Variants in PLAA observed in about 807,000 individuals in gnomAD.
The protein encoded by PLAA is phospholipase A2 activating protein, also known as phospholipase A-2-activating protein.
In PLAA, 48 loss-of-function variants were observed where a neutral mutation model predicts 84.1. The ratio of observed to expected loss-of-function variants is 0.57; its 90% CI spans 0.45 to 0.73. PLAA has a LOEUF of 0.73. Ranked by LOEUF, PLAA falls within the 30% of genes least tolerant of loss-of-function variation. The pLI is 0.00. For missense variants in PLAA, 903 were observed against 954.7 expected (o/e 0.95, Z 0.71); for synonymous variants, 392 against 336.6 (o/e 1.16, Z -1.80).
intron 2 of PLAA, among the ~76,000 whole-genome samples, chr9:26,934,522 C>A (rs1038936954): frequency 7.0e-6 from 1 of 143,734 alleles, no homozygotes; most frequent in Admixed American, 7.1e-5. Flanking sequence ...CTCTGTCACC[C>A]AGGCTGGAGT....
intron 12 of PLAA, among the ~76,000 whole-genome samples, chr9:26,909,787 C>G (rs1431781882): frequency 2.0e-5 from 3 of 151,958 alleles, no homozygotes; most frequent in Non-Finnish European, 4.4e-5. Context: ...CCACGCCCGG[C>G]TAATTTTTGT....
rs13299068 is a variant in PLAA at position 26,918,856 on chromosome 9, C to T, written c.1417+454G>A. The stretch of plus-strand genomic sequence containing the variant: ...CTAACTGCATTTATAACATGAGATA[C>T]GATGTATACGATGTTACAAACAATT... On this transcript the variant is annotated intron_variant, in intron 9 of 13. Coordinates refer to ENST00000397292, the MANE Select transcript of PLAA (RefSeq NM_001031689.3). Among the ~76,000 whole-genome samples the T allele has an allele frequency of 9.5e-3, 1,451 of 152,136 alleles. 11 individuals carry two copies. Among genetic ancestry groups the T allele is most frequent in the Non-Finnish European group, 0.015 (1,002 of 67,992 alleles).
At chr9:26,920,723 A>T (rs1824732012) in intron 7 of PLAA, among the ~76,000 whole-genome samples, 1 of 152,230 alleles carries the variant, frequency 6.6e-6, no homozygotes, top group Admixed American at 6.5e-5. Context: ...ACTGAAAAGT[A>T]GAAAAGCCTG....
intron 1 of PLAA, among the ~76,000 whole-genome samples, chr9:26,946,647 T>C (rs897528240): frequency 2.6e-5 from 4 of 151,942 alleles, no homozygotes; most frequent in African/African-American, 9.7e-5. Context: ...GCCCAAAAGG[T>C]AGGAGACTCG....
At chr9:26,909,780 C>G (rs752970781) in intron 12 of PLAA, among the ~76,000 whole-genome samples, 1 of 151,982 alleles carries the variant, frequency 6.6e-6, no homozygotes, top group Non-Finnish European at 1.5e-5. Flanking sequence ...CCCACCACCA[C>G]GCCCGGCTAA....
In PLAA at chr9:26,905,817, G is replaced by A; in HGVS notation, c.2082C>T (p.Ser694=). 1.2e-6 allele frequency: 2 copies of A among 1,614,146 alleles called. No homozygotes were observed. Among genetic ancestry groups the A allele is most frequent in the Non-Finnish European group, 1.7e-6 (2 of 1,180,022 alleles). Reference sequence around the variant, plus strand: ...CCAGAGCAATGTGAATGTTCTTATTGCTCCCTGATTTCAGTTCTATTGCAT... The same window carrying A: ...CCAGAGCAATGTGAATGTTCTTATTACTCCCTGATTTCAGTTCTATTGCAT... ...MSHAIELKSG[S]NKNIHIALAT... Residue 694 remains serine, a synonymous_variant, in exon 14 of 14, where the codon AGC becomes AGT. Coordinates refer to ENST00000397292, the MANE Select transcript of PLAA (RefSeq NM_001031689.3).
intron 12 of PLAA, among the ~76,000 whole-genome samples, chr9:26,908,656 G>A (rs1235793844): frequency 6.6e-6 from 1 of 151,540 alleles, no homozygotes; most frequent in African/African-American, 2.4e-5. Flanking sequence ...GTAGAGATGG[G>A]GTTTCACCAT....
chr9:26,928,272 A>G (rs753396878), intron 3 of PLAA, 36 bp downstream of exon 3: 66 of 1,613,940 alleles, frequency 4.1e-5, no homozygotes, highest in Non-Finnish European at 5.1e-5. Context: ...ATTCAACTTA[A>G]TTATTCTTTA....
chr9:26,906,127 T>G, intron 13 of PLAA, 51 bp from the exon 14 acceptor site: 1 of 1,214,636 alleles, frequency 8.2e-7, no homozygotes, highest in African/African-American at 1.5e-5. Context: ...GAAAATTTCT[T>G]TTGACTATCG....
intron 1 of PLAA, among the ~76,000 whole-genome samples, chr9:26,946,496 A>G (rs139931493): frequency 5.9e-4 from 88 of 150,116 alleles, no homozygotes; most frequent in Middle Eastern, 6.8e-3. Flanking sequence ...ACAGAAGACT[A>G]CAGAGCATCT....
Position 26,903,460 on chromosome 9 carries a change from C to T in PLAA, c.*2051G>A, listed in dbSNP as rs183599312. Among the ~76,000 whole-genome samples, 13 of 152,230 alleles carry T rather than the reference C, an allele frequency of 8.5e-5. No individual in the cohort carries two copies. Among genetic ancestry groups the T allele is most frequent in the Admixed American group, 1.3e-4 (2 of 15,292 alleles). ...TTATCAAAGAGTATGTATGATACAA[C>T]GCTTTTTTAATAAAATAAAATACAT... On this transcript the variant is annotated 3_prime_UTR_variant, in exon 14 of 14. Transcript: ENST00000397292.
chr9:26,924,808 C>G (rs754356881), intron 6 of PLAA, among the ~76,000 whole-genome samples: 1 of 152,136 alleles, frequency 6.6e-6, no homozygotes, highest in African/African-American at 2.4e-5. Context: ...GTATTTCTTC[C>G]CTCAGAGAAT....
intron 4 of PLAA, among the ~76,000 whole-genome samples, chr9:26,926,863 T>TC (rs1824984501): frequency 6.6e-6 from 1 of 151,746 alleles, no homozygotes; most frequent in African/African-American, 2.4e-5. Flanking sequence ...TAATTTTTCT[T>TC]CCCCAACAAG....
intron 2 of PLAA, among the ~76,000 whole-genome samples, chr9:26,928,818 C>A (rs975462701): frequency 6.6e-5 from 10 of 152,202 alleles, no homozygotes; most frequent in African/African-American, 2.4e-4. Context: ...AAACCTGCAG[C>A]CAAGCTCAAT....
chr9:26,933,863 T>C (rs887725330), intron 2 of PLAA, among the ~76,000 whole-genome samples: 1 of 151,244 alleles, frequency 6.6e-6, no homozygotes, highest in African/African-American at 2.4e-5. Flanking sequence ...GGCTGGAGTG[T>C]GGTGGTGTGA....
chr9:26,942,112 G>A (rs1249699310), intron 1 of PLAA, among the ~76,000 whole-genome samples: 3 of 152,180 alleles, frequency 2.0e-5, no homozygotes, highest in Non-Finnish European at 4.4e-5. Flanking sequence ...TATCATGCCA[G>A]TAACAAGGCA....
chr9:26,942,147 A>C (rs992115248), intron 1 of PLAA, among the ~76,000 whole-genome samples: 3 of 152,218 alleles, frequency 2.0e-5, no homozygotes, highest in African/African-American at 7.2e-5. Flanking sequence ...TCAGACTTGC[A>C]AGGTCTTAAA....
At chr9:26,918,488 G>A (rs1824647083) in intron 9 of PLAA, among the ~76,000 whole-genome samples, 1 of 151,982 alleles carries the variant, frequency 6.6e-6, no homozygotes, top group South Asian at 2.1e-4. Context: ...AATGGGCAAT[G>A]AAATTTTGAA....
At chr9:26,907,725 G>C (rs909741694) in intron 13 of PLAA, 109 bp downstream of exon 13, 5 of 906,504 alleles carry the variant, frequency 5.5e-6, no homozygotes, top group Non-Finnish European at 8.4e-6. Context: ...TAGTGATTTA[G>C]AACTACCGAA....
Sources: gnomAD v4.1 joint callset for allele counts (sites outside exome capture counted in the v4.1 genomes callset) on GRCh38, gnomAD v4.1.1 for gene constraint, MANE v1.5 for transcripts, NCBI Gene and HGNC (gene_info 2026-07-23, HGNC 2026-07-21) for gene names.